The following DOCK1 variants were observed in gnomAD, a reference collection of about 807,000 sequenced individuals.
The protein encoded by DOCK1 is dedicator of cytokinesis 1, also known as dedicator of cytokinesis protein 1.
DOCK1 carries 138 observed loss-of-function variants against 262.7 expected under a neutral mutation model. The observed-to-expected ratio is 0.53, with a 90% CI of 0.46 to 0.61. DOCK1 has a LOEUF of 0.61. Among genes scored for constraint, DOCK1 ranks in the 20% least tolerant of loss-of-function variants. DOCK1 has a pLI of 0.00. For missense variants in DOCK1, 1,908 were observed against 2,370.7 expected, an observed-to-expected ratio of 0.80 and a Z score of 4.05; for synonymous variants, 866 against 867.4, an observed-to-expected ratio of 1.00 and a Z score of 0.03.
intron 1 of DOCK1, among the ~76,000 whole-genome samples, chr10:126,968,839 A>G (rs2037874232): frequency 2.0e-5 from 3 of 152,208 alleles, no homozygotes; most frequent in Admixed American, 2.0e-4. Flanking sequence ...ATTCACTGTA[A>G]AATGCCAAAT....
In DOCK1 at chr10:127,061,671, G is replaced by T; in HGVS notation, c.2340G>T (p.Leu780=). ...IVRSRILFNQ[L]YENKGEADFV... ...CAGTTTGTGTGTTTCTTTGCAGACT[G>T]TATGAAAACAAGGGAGAGGCTGACT... The change falls in exon 23 of 52, where the codon CTG becomes CTT. Residue 780 remains leucine, a synonymous_variant. Transcript: ENST00000623213. The T allele has an allele frequency of 6.3e-7, 1 of 1,595,306 alleles. No individual in the cohort carries two copies. Among genetic ancestry groups the T allele is most frequent in the Non-Finnish European group, 8.5e-7 (1 of 1,170,700 alleles).
chr10:126,948,647 G>T (rs1280985396), intron 1 of DOCK1, among the ~76,000 whole-genome samples: 1 of 152,074 alleles, frequency 6.6e-6, no homozygotes, highest in Non-Finnish European at 1.5e-5. Context: ...GGGTTGCAGG[G>T]TCAGGTATGC....
intron 51 of DOCK1, among the ~76,000 whole-genome samples, chr10:127,448,756 A>G (rs959972406): frequency 1.3e-5 from 2 of 151,690 alleles, no homozygotes; most frequent in East Asian, 1.9e-4. Context: ...CATTGAAAAC[A>G]TGAGATTGTT....
chr10:126,912,453 G>T (rs1196128755), intron 1 of DOCK1, among the ~76,000 whole-genome samples: 1 of 150,146 alleles, frequency 6.7e-6, no homozygotes. Context: ...GAGACCGGGC[G>T]CGGTGGCTCA....
intron 12 of DOCK1, chr10:127,015,211 A>G (rs1591653727): frequency 2.0e-5 from 3 of 151,982 alleles, no homozygotes; most frequent in East Asian, 1.9e-4. Flanking sequence ...AAAAAAAGGA[A>G]AGAAAAGAAA....
intron 23 of DOCK1, among the ~76,000 whole-genome samples, chr10:127,065,167 C>A (rs147953116): frequency 0.039 from 5,966 of 152,196 alleles, 335 homozygotes; most frequent in East Asian, 0.13. Flanking sequence ...TGCCACCATG[C>A]CCGGCTAATT....
intron 28 of DOCK1, among the ~76,000 whole-genome samples, chr10:127,253,900 C>T (rs1365870255): frequency 1.5e-5 from 2 of 131,582 alleles, no homozygotes; most frequent in Non-Finnish European, 3.3e-5. Context: ...AAAAGGAAAC[C>T]ATGATTCCTG....
chr10:127,043,353 A>T (rs996668408), intron 21 of DOCK1, among the ~76,000 whole-genome samples, 189 bp downstream of exon 21: 4 of 152,202 alleles, frequency 2.6e-5, no homozygotes, highest in African/African-American at 7.2e-5. Context: ...GAGATATGTG[A>T]TAAATCATCG....
chr10:127,126,169 A>G (rs765328116), intron 26 of DOCK1, among the ~76,000 whole-genome samples: 46 of 150,778 alleles, frequency 3.1e-4, no homozygotes, highest in South Asian at 2.5e-3. Flanking sequence ...ATCTCAGCTC[A>G]TGGCAACCTC....
At chr10:127,422,158 C>CTTTTTTTTTTTTTTTTTTTTTTTTTTTTT (rs35535729) in intron 46 of DOCK1, among the ~76,000 whole-genome samples, 1 of 61,370 alleles carries the variant, frequency 1.6e-5, no homozygotes, top group East Asian at 4.8e-4. Context: ...TTTTGTTTGT[C>CTTTTTTTTTTTTTTTTTTTTTTTTTTTTT]TTTTTTTTTT....
rs747371637 is a variant in DOCK1 at position 127,127,714 on chromosome 10, C to T, written c.2797C>T (p.Arg933Trp). The part of the protein sequence containing the change: ...HVQIIMEKLL[R>W]TVNRTVISMG... ...CCAGATTATCATGGAGAAACTTCTC[C>T]GGACCGTGAACCGAACCGTCATTTC... Residue 933 changes from arginine to tryptophan, a missense_variant, in exon 27 of 52, where the codon CGG (arginine) becomes TGG (tryptophan). Transcript: ENST00000623213. 1.1e-5 allele frequency: 18 copies of T among 1,612,854 alleles called. No individual in the cohort carries two copies. Among genetic ancestry groups the T allele is most frequent in the East Asian group, 2.2e-5 (1 of 44,878 alleles).
chr10:127,090,851 A>G (rs535700303), intron 23 of DOCK1, among the ~76,000 whole-genome samples: 3 of 152,162 alleles, frequency 2.0e-5, no homozygotes, highest in East Asian at 3.9e-4. Flanking sequence ...GTAGTATTCC[A>G]TTGTATGGAC....
rs1312149977 is a variant in DOCK1 at position 127,177,368 on chromosome 10, G to A, written c.2847+49604G>A. Among the ~76,000 whole-genome samples the A allele has an allele frequency of 3.3e-5, 5 of 152,340 alleles. No homozygotes were observed. The East Asian group carries it at 9.6e-4, about 29-fold the overall frequency. On this transcript the variant is annotated intron_variant, in intron 27 of 51. Transcript: ENST00000623213. ...ACTCCTCTCGGGGAATACCAGTGGG[G>A]TAAAATGCCTTCACTTTATTAGGCG...
intron 1 of DOCK1, among the ~76,000 whole-genome samples, chr10:126,913,801 T>C (rs981094856): frequency 4.6e-5 from 7 of 152,196 alleles, no homozygotes; most frequent in African/African-American, 1.2e-4. Flanking sequence ...TGGCATATAG[T>C]GTGTGCTGTC....
intron 1 of DOCK1, among the ~76,000 whole-genome samples, chr10:126,953,050 GGTA>G (rs1386115703): frequency 3.3e-5 from 5 of 151,026 alleles, no homozygotes; most frequent in Admixed American, 3.3e-4. Context: ...TAGTATTTTT[GGTA>G]GTGGTGGTAG....
chr10:126,924,879 A>G (rs1263933813), intron 1 of DOCK1, among the ~76,000 whole-genome samples: 1 of 152,238 alleles, frequency 6.6e-6, no homozygotes, highest in African/African-American at 2.4e-5. Context: ...TTTCTTAAGG[A>G]CAAACTTTTA....
At chr10:127,344,983 G>A (rs1241646546) in intron 31 of DOCK1, among the ~76,000 whole-genome samples, 1 of 152,148 alleles carries the variant, frequency 6.6e-6, no homozygotes, top group African/African-American at 2.4e-5. Context: ...ACTCACCATT[G>A]TGTTACATTT....
At chr10:127,295,997 C>T (rs2061492740) in intron 29 of DOCK1, among the ~76,000 whole-genome samples, 5 of 152,126 alleles carry the variant, frequency 3.3e-5, no homozygotes, top group Admixed American at 2.6e-4. Context: ...CAGGCTCTGG[C>T]TTTCTTACAG....
At chr10:127,281,093 T>C (rs1424965419) in intron 29 of DOCK1, among the ~76,000 whole-genome samples, 1 of 152,256 alleles carries the variant, frequency 6.6e-6, no homozygotes, top group East Asian at 1.9e-4. Flanking sequence ...ACTTTGCTTC[T>C]GTGTTTCCAA....
Sources: allele counts gnomAD v4.1 joint callset (sites outside exome capture counted in the v4.1 genomes callset), GRCh38; gene constraint gnomAD v4.1.1; transcripts MANE v1.5; gene names NCBI Gene and HGNC (gene_info 2026-07-23, HGNC 2026-07-21).